LGR4: variants seen among roughly 807,000 people sequenced by gnomAD.
The protein encoded by LGR4 is leucine rich repeat containing G protein-coupled receptor 4, also known as leucine-rich repeat-containing G protein-coupled receptor 4.
Under a neutral mutation model 84.8 loss-of-function variants are expected in LGR4, and 44 were observed. That is an observed-to-expected ratio of 0.52 (90% confidence interval 0.41 to 0.67). LGR4 has a LOEUF of 0.67. Among genes scored for constraint, LGR4 ranks in the 30% least tolerant of loss-of-function variants. The probability of loss-of-function intolerance (pLI) is 0.00; values close to 1 mark genes in which losing one functional copy is unlikely to be tolerated. For missense variants in LGR4, 1,032 were observed against 1,131.4 expected, an observed-to-expected ratio of 0.91 and a Z score of 1.26; for synonymous variants, 429 against 434.3, an observed-to-expected ratio of 0.99 and a Z score of 0.15.
intron 1 of LGR4, among the ~76,000 whole-genome samples, chr11:27,464,654 G>C (rs1170038704): frequency 6.6e-6 from 1 of 152,142 alleles, no homozygotes; most frequent in Non-Finnish European, 1.5e-5. Context: ...CCTTAGCTAT[G>C]CCTAGTACAG....
intron 1 of LGR4, among the ~76,000 whole-genome samples, chr11:27,418,744 A>C (rs1324313699): frequency 1.3e-5 from 2 of 152,192 alleles, no homozygotes; most frequent in Admixed American, 1.3e-4. Context: ...TGTCACCTTC[A>C]AATCTTAGAA....
chr11:27,392,420 G>A lies in LGR4; in HGVS notation c.329+27C>T, dbSNP rs773883802. 7.2e-6 allele frequency: 11 copies of A among 1,529,938 alleles called. No homozygotes were observed. In the Admixed American group the frequency reaches 8.4e-5, roughly 12 times the overall value. 94.8% of individuals were successfully genotyped at this position (1,529,938 alleles called of 1,614,324 possible). ...GCAGAAAGAAAATACACAGCCAGCT[G>A]TGAAACTCTAAAATTGCATTACTTA... On this transcript the variant is annotated intron_variant, in intron 3 of 17. Transcript: ENST00000379214.
At chr11:27,418,811 T>C (rs1035803059) in intron 1 of LGR4, among the ~76,000 whole-genome samples, 2 of 151,566 alleles carry the variant, frequency 1.3e-5, no homozygotes, top group Non-Finnish European at 2.9e-5. Flanking sequence ...TTTATGATCA[T>C]CTACTTTCGT....
At chr11:27,462,230 G>A (rs1216308331) in intron 1 of LGR4, among the ~76,000 whole-genome samples, 1 of 152,092 alleles carries the variant, frequency 6.6e-6, no homozygotes, top group African/African-American at 2.4e-5. Flanking sequence ...TTTAAAGGAT[G>A]GGCTATCACA....
intron 1 of LGR4, among the ~76,000 whole-genome samples, chr11:27,455,914 C>A (rs1185413892): frequency 6.6e-6 from 1 of 152,106 alleles, no homozygotes; most frequent in Non-Finnish European, 1.5e-5. Flanking sequence ...GCTTTGGAGG[C>A]CTATTGGGAG....
intron 2 of LGR4, among the ~76,000 whole-genome samples, chr11:27,407,543 ATAAT>A (rs1863635117): frequency 6.6e-6 from 1 of 152,184 alleles, no homozygotes; most frequent in Non-Finnish European, 1.5e-5. Context: ...TTTTTAGCAC[ATAAT>A]TAAGTTTTTA....
At chr11:27,426,231 G>A (rs1435081668) in intron 1 of LGR4, among the ~76,000 whole-genome samples, 2 of 152,164 alleles carry the variant, frequency 1.3e-5, no homozygotes, top group Non-Finnish European at 2.9e-5. Context: ...AGTAAAGAGC[G>A]TTAACGACAG....
chr11:27,443,752 A>G (rs1374374624), intron 1 of LGR4, among the ~76,000 whole-genome samples: 1 of 152,240 alleles, frequency 6.6e-6, no homozygotes, highest in Non-Finnish European at 1.5e-5. Context: ...CCAGAGTTCT[A>G]TAAAAATAAA....
chr11:27,380,728 A>G lies in LGR4; in HGVS notation c.831-17T>C, dbSNP rs768252402. ...TACAAATGTCTGTGAAAATATCCAA[A>G]AAAAGTAAAATTTTCATATGTTCAC... On this transcript the variant is annotated splice_polypyrimidine_tract_variant and intron_variant, in intron 8 of 17. Transcript: ENST00000379214. 6.4e-7 allele frequency: 1 copy of G among 1,557,942 alleles called. No homozygotes were observed. Among genetic ancestry groups the G allele is most frequent in the East Asian group, 2.3e-5 (1 of 44,272 alleles).
chr11:27,427,468 G>A (rs901326462), intron 1 of LGR4, among the ~76,000 whole-genome samples: 4 of 152,180 alleles, frequency 2.6e-5, no homozygotes, highest in Non-Finnish European at 5.9e-5. Context: ...GGCAGGTACA[G>A]GCTGCAGTCT....
intron 1 of LGR4, among the ~76,000 whole-genome samples, chr11:27,421,875 G>A (rs1004018818): frequency 6.6e-6 from 1 of 152,072 alleles, no homozygotes; most frequent in African/African-American, 2.4e-5. Flanking sequence ...TCTATTAAAT[G>A]GCAAAGAAAA....
At chr11:27,428,446 C>A (rs574812707) in intron 1 of LGR4, among the ~76,000 whole-genome samples, 1 of 152,050 alleles carries the variant, frequency 6.6e-6, no homozygotes, top group East Asian at 1.9e-4. Context: ...GCCTATCTTG[C>A]GCTCTTTTTG....
chr11:27,383,735 T>G (rs926195565), intron 6 of LGR4, among the ~76,000 whole-genome samples: 3 of 152,106 alleles, frequency 2.0e-5, no homozygotes, highest in African/African-American at 7.2e-5. Context: ...ATGAAGGCAA[T>G]AAAGGCAACT....
At chr11:27,384,121 G>A (rs1040765986) in intron 6 of LGR4, 8 of 454,574 alleles carry the variant, frequency 1.8e-5, no homozygotes, top group African/African-American at 1.6e-4. Flanking sequence ...TATTCTTTGG[G>A]GGAAAATATG....
Position 27,451,083 on chromosome 11 carries a change from C to T in LGR4, c.185+21035G>A, listed in dbSNP as rs141849406. 5.2e-3 allele frequency among the ~76,000 whole-genome samples: 795 copies of T among 152,274 alleles called. 4 individuals are homozygous for T. The highest frequency in any genetic ancestry group is 0.018 in the African/African-American group (750 of 41,558). On this transcript the variant is annotated intron_variant, in intron 1 of 17. Coordinates refer to ENST00000379214, the MANE Select transcript of LGR4 (RefSeq NM_018490.5). ...AAAACACTACAGTTTTTAGTATTCA[C>T]AACTAAATGAACGGTACTTTTCAAT...
At chr11:27,371,762 C>A (rs887658936) in intron 16 of LGR4, 64 bp from the exon 17 acceptor site, 2 of 1,230,572 alleles carry the variant, frequency 1.6e-6, no homozygotes, top group Admixed American at 1.8e-5. Flanking sequence ...ACCATATTTT[C>A]CTGCAATTTT....
intron 2 of LGR4, 24 bp downstream of exon 2, chr11:27,412,765 C>T (rs766536788): frequency 2.9e-6 from 4 of 1,367,488 alleles, no homozygotes; most frequent in Non-Finnish European, 3.1e-6. Context: ...GACATACACA[C>T]ACATTTCTCA....
In LGR4 at chr11:27,415,221, AG is replaced by A. The variant is rs574929966; in HGVS notation, c.186-2362del. ...GCTTTTCAGTCATTCTAATAAAAAG[AG>A]GAAGGACAACAAGAATTGATTGCTT... On this transcript the variant is annotated intron_variant, in intron 1 of 17. Coordinates refer to ENST00000379214, the MANE Select transcript of LGR4 (RefSeq NM_018490.5). 3.1e-4 allele frequency among the ~76,000 whole-genome samples: 47 copies of A among 152,284 alleles called. No homozygotes were observed. The East Asian group carries it at 8.7e-3, about 28-fold the overall frequency.
chr11:27,467,315 C>T (rs1864795222), intron 1 of LGR4, among the ~76,000 whole-genome samples: 2 of 151,958 alleles, frequency 1.3e-5, no homozygotes, highest in Non-Finnish European at 2.9e-5. Context: ...TACCTGTAAT[C>T]CCAGCACTTT....
Sources: allele counts gnomAD v4.1 joint callset (sites outside exome capture counted in the v4.1 genomes callset), GRCh38; gene constraint gnomAD v4.1.1; transcripts MANE v1.5; gene names NCBI Gene and HGNC (gene_info 2026-07-23, HGNC 2026-07-21).